Variants in NTRK2 observed in about 807,000 individuals in gnomAD.
The protein encoded by NTRK2 is neurotrophic receptor tyrosine kinase 2.
In NTRK2, 13 loss-of-function variants were observed where a neutral mutation model predicts 94.5. The observed-to-expected ratio is 0.14, with a 90% CI of 0.09 to 0.22. The LOEUF (loss-of-function observed/expected upper bound fraction) is 0.22. Ranked by LOEUF, NTRK2 falls within the 10% of genes least tolerant of loss-of-function variation. The probability of loss-of-function intolerance (pLI) is 1.00; values close to 1 mark genes in which losing one functional copy is unlikely to be tolerated. For synonymous variants in NTRK2, 372 were observed against 407.4 expected (o/e 0.91, Z 1.05); for missense variants, 639 against 1,071.2 (o/e 0.60, Z 5.63).
intron 15 of NTRK2, among the ~76,000 whole-genome samples, chr9:84,948,004 A>T (rs11788800): frequency 0.045 from 6,849 of 152,314 alleles, 195 homozygotes; most frequent in Admixed American, 0.077. Context: ...GCAGTGCTAC[A>T]TAAAGACAGG....
chr9:84,874,447 C>T (rs1333746535), intron 14 of NTRK2: 1 of 1,065,768 alleles, frequency 9.4e-7, no homozygotes, highest in East Asian at 5.0e-5. Context: ...AGCTGGGCTT[C>T]TTCTCAGATT....
rs567772988 is a variant in NTRK2, at chr9:84,670,620, G to T, written c.-129G>T. 3.3e-6 allele frequency: 3 copies of T among 915,684 alleles called. No individual in the cohort carries two copies. Among genetic ancestry groups the T allele is most frequent in the South Asian group, 2.8e-5 (2 of 71,058 alleles). 56.7% of individuals were successfully genotyped at this position (915,684 alleles called of 1,614,324 possible). ...GCTCAGCCTCTGATAAGCTGGACTC[G>T]GCACGCCCGCAACAAGCACCGAGGA... On this transcript the variant is annotated 5_prime_UTR_variant, in exon 2 of 19. Coordinates refer to ENST00000277120, the MANE Select transcript of NTRK2 (RefSeq NM_006180.6).
rs201561324 is a variant in NTRK2 at position 84,948,645 on chromosome 9, G to T, written c.1937+11G>T. On this transcript the variant is annotated intron_variant, in intron 16 of 18. Transcript: ENST00000277120. The stretch of plus-strand genomic sequence containing the variant: ...CAACAAGTTCCTCAGGTACAGTGAG[G>T]CGGGGAGGTGGGCTCCAGGAGGGAG... 4.3e-6 allele frequency: 7 copies of T among 1,613,800 alleles called. No homozygotes were observed. The highest frequency in any genetic ancestry group is 5.1e-6 in the Non-Finnish European group (6 of 1,179,890).
chr9:84,787,878 C>A (rs1368333711), intron 12 of NTRK2, among the ~76,000 whole-genome samples: 1 of 152,150 alleles, frequency 6.6e-6, no homozygotes, highest in Non-Finnish European at 1.5e-5. Context: ...TGGAGACAGA[C>A]TTCTCGAGTT....
intron 12 of NTRK2, among the ~76,000 whole-genome samples, chr9:84,844,649 TCACACACACACACACACACACACA>T: frequency 7.1e-6 from 1 of 140,922 alleles, no homozygotes; most frequent in East Asian, 2.1e-4. Context: ...AATACCTCAC[TCACACACACACACACACACACACA>T]CACACACACA....
chr9:84,865,356 TATA>T (rs2075541457), intron 13 of NTRK2, among the ~76,000 whole-genome samples: 1 of 152,172 alleles, frequency 6.6e-6, no homozygotes, highest in Non-Finnish European at 1.5e-5. Flanking sequence ...AAAAATTACC[TATA>T]ATAAGAGTTG....
intron 12 of NTRK2, among the ~76,000 whole-genome samples, chr9:84,760,806 A>G (rs2065494466): frequency 6.6e-6 from 1 of 152,242 alleles, no homozygotes; most frequent in Non-Finnish European, 1.5e-5. Flanking sequence ...GCTTAGATCT[A>G]AAAACACGAC....
intron 2 of NTRK2, among the ~76,000 whole-genome samples, chr9:84,687,894 T>G (rs986004095): frequency 1.3e-5 from 2 of 152,054 alleles, no homozygotes; most frequent in African/African-American, 4.8e-5. Flanking sequence ...GGCCCTACCT[T>G]TCTCTCTCCC....
In NTRK2 at chr9:84,874,317, T is replaced by G. The variant is rs201714631; in HGVS notation, c.1633+6886T>G. The G allele has an allele frequency of 2.4e-5, 26 of 1,065,250 alleles. No homozygotes were observed. In the African/African-American group the frequency reaches 3.9e-4, roughly 16 times the overall value. 66.0% of individuals were successfully genotyped at this position (1,065,250 alleles called of 1,614,324 possible). A position where few individuals can be genotyped will look rare whatever the true frequency, so the allele number is the denominator to read the frequency against. Reference sequence around the variant, plus strand: ...AGAGATGGCACCACCGGAGTTTTTCTTGGATGTGAGGCTCAATCCTTTACG... The same window carrying G: ...AGAGATGGCACCACCGGAGTTTTTCGTGGATGTGAGGCTCAATCCTTTACG... On this transcript the variant is annotated intron_variant, in intron 14 of 18. Transcript: ENST00000277120.
rs78382021 is a variant in NTRK2 at position 85,021,560 on chromosome 9, C to G, written c.*123C>G. On this transcript the variant is annotated 3_prime_UTR_variant, in exon 19 of 19. Transcript: ENST00000277120. ...TCCTTCACTCTGACAGTATTAACAT[C>G]AAAGACTCCGAGAAGCTCTCGAGGG... 5.4e-3 allele frequency: 5,084 copies of G among 947,364 alleles called. 22 individuals carry two copies. Among genetic ancestry groups the G allele is most frequent in the Non-Finnish European group, 7.6e-3 (4,463 of 583,472 alleles). The allele number at this position is 947,364 out of a possible 1,614,324, so 58.7% of individuals were successfully genotyped here. A position where few individuals can be genotyped will look rare whatever the true frequency, so the allele number is the denominator to read the frequency against.
At chr9:84,788,279 A>G (rs995299970) in intron 12 of NTRK2, among the ~76,000 whole-genome samples, 1 of 152,236 alleles carries the variant, frequency 6.6e-6, no homozygotes, top group Middle Eastern at 3.2e-3. Flanking sequence ...TAGGAGGAAA[A>G]TGAAAATGAA....
intron 14 of NTRK2, among the ~76,000 whole-genome samples, chr9:84,902,702 T>G (rs948268031): frequency 1.3e-5 from 2 of 152,190 alleles, no homozygotes; most frequent in African/African-American, 2.4e-5. Flanking sequence ...GTGTCTTGTG[T>G]AGGAATCCTG....
intron 17 of NTRK2, among the ~76,000 whole-genome samples, chr9:84,971,153 T>G (rs1826138646): frequency 6.6e-6 from 1 of 152,202 alleles, no homozygotes; most frequent in Non-Finnish European, 1.5e-5. Flanking sequence ...TTCAGGTCAT[T>G]CTTCTTGATG....
intron 12 of NTRK2, among the ~76,000 whole-genome samples, chr9:84,795,124 T>C (rs949198341): frequency 6.6e-6 from 1 of 152,142 alleles, no homozygotes; most frequent in Non-Finnish European, 1.5e-5. Flanking sequence ...ACTGCAAGCA[T>C]AGGCAAGTTC....
chr9:84,820,276 T>TGC (rs2072714010), intron 12 of NTRK2, among the ~76,000 whole-genome samples: 2 of 151,818 alleles, frequency 1.3e-5, no homozygotes, highest in Non-Finnish European at 2.9e-5. Flanking sequence ...TTCAAGTGAT[T>TGC]CTCCTGCCTC....
At chr9:84,729,184 A>G (rs1454080366) in intron 9 of NTRK2, among the ~76,000 whole-genome samples, 1 of 152,218 alleles carries the variant, frequency 6.6e-6, no homozygotes, top group African/African-American at 2.4e-5. Context: ...TTCTCATTAC[A>G]TGATAAGTTC....
intron 17 of NTRK2, among the ~76,000 whole-genome samples, chr9:85,002,696 G>A (rs1010527254): frequency 4.6e-5 from 7 of 152,138 alleles, no homozygotes; most frequent in South Asian, 2.1e-4. Context: ...CTTGTTATTC[G>A]ATGGTTGCAG....
At chr9:84,842,628 C>T (rs752152702) in intron 12 of NTRK2, among the ~76,000 whole-genome samples, 1 of 152,136 alleles carries the variant, frequency 6.6e-6, no homozygotes, top group Non-Finnish European at 1.5e-5. Context: ...ATGGGTGCTC[C>T]CATCTCCCTG....
intron 17 of NTRK2, among the ~76,000 whole-genome samples, chr9:85,004,062 AG>A (rs1830671393): frequency 1.3e-5 from 1 of 75,976 alleles, no homozygotes; most frequent in Admixed American, 1.3e-4. Flanking sequence ...AGAGAAAGAA[AG>A]GAGAGAGAGA....
Sources: allele counts gnomAD v4.1 joint callset (sites outside exome capture counted in the v4.1 genomes callset), GRCh38; gene constraint gnomAD v4.1.1; transcripts MANE v1.5; gene names NCBI Gene and HGNC (gene_info 2026-07-23, HGNC 2026-07-21).